Variants in RBFOX1 observed in about 807,000 individuals in gnomAD.
The protein encoded by RBFOX1 is RNA binding protein fox-1 homolog 1.
In RBFOX1, 8 loss-of-function variants were observed where a neutral mutation model predicts 57.7. The ratio of observed to expected loss-of-function variants is 0.14; its 90% CI spans 0.08 to 0.25. The LOEUF is 0.25. Among genes scored for constraint, RBFOX1 ranks in the 10% least tolerant of loss-of-function variants. The pLI is 1.00. For synonymous variants in RBFOX1, 326 were observed against 222.4 expected (o/e 1.47, Z -4.15); for missense variants, 611 against 548.5 (o/e 1.11, Z -1.14).
Position 6,636,296 on chromosome 16 carries a change from G to A in RBFOX1, c.-63-18307G>A, listed in dbSNP as rs112020841. Reference sequence around the variant, plus strand: ...TGCCATTCTCCTGCCTCAGCCTCCCGAGTAGCTGGGACTAGAGGCGCCTGC... The same window carrying A: ...TGCCATTCTCCTGCCTCAGCCTCCCAAGTAGCTGGGACTAGAGGCGCCTGC... On this transcript the variant is annotated intron_variant, in intron 2 of 15. Transcript: ENST00000550418. Among the ~76,000 whole-genome samples the A allele has an allele frequency of 2.2e-4, 33 of 152,104 alleles. 1 individual carries two copies. The highest frequency in any genetic ancestry group is 6.5e-4 in the Admixed American group (10 of 15,270).
chr16:6,462,643 A>C (rs964186088), intron 2 of RBFOX1, among the ~76,000 whole-genome samples: 2 of 152,166 alleles, frequency 1.3e-5, no homozygotes, highest in Non-Finnish European at 2.9e-5. Flanking sequence ...AAATGAAATA[A>C]TTAGTAAAAG....
At chr16:6,631,281 G>T (rs1028628571) in intron 2 of RBFOX1, among the ~76,000 whole-genome samples, 1 of 152,062 alleles carries the variant, frequency 6.6e-6, no homozygotes, top group Non-Finnish European at 1.5e-5. Flanking sequence ...AATGGGGGGT[G>T]AGTGTGTGTG....
chr16:7,573,834 C>G (rs78974238), intron 5 of RBFOX1, among the ~76,000 whole-genome samples: 1 of 145,134 alleles, frequency 6.9e-6, no homozygotes, highest in Non-Finnish European at 1.5e-5. Flanking sequence ...GACTCTGTCT[C>G]AAAAAAAAAA....
intron 3 of RBFOX1, among the ~76,000 whole-genome samples, chr16:5,623,227 A>G (rs2048251627): frequency 6.6e-6 from 1 of 152,122 alleles, no homozygotes; most frequent in African/African-American, 2.4e-5. Flanking sequence ...GGTGTGGTAC[A>G]TCTTATGGGG....
At chr16:6,581,469 G>T (rs985453331) in intron 2 of RBFOX1, among the ~76,000 whole-genome samples, 1 of 152,194 alleles carries the variant, frequency 6.6e-6, no homozygotes, top group Admixed American at 6.5e-5. Context: ...TGGGAAACAA[G>T]CCTTGCTCTT....
intron 1 of RBFOX1, among the ~76,000 whole-genome samples, chr16:5,311,816 G>C (rs1318006235): frequency 6.6e-6 from 1 of 152,148 alleles, no homozygotes; most frequent in African/African-American, 2.4e-5. Flanking sequence ...GCCTCTTGTT[G>C]CTGTCAATCT....
At chr16:7,070,514 G>C (rs1205265722) in intron 4 of RBFOX1, among the ~76,000 whole-genome samples, 1 of 152,124 alleles carries the variant, frequency 6.6e-6, no homozygotes, top group East Asian at 1.9e-4. Flanking sequence ...TATGTGTCTT[G>C]ACATCTTTAC....
chr16:6,003,289 A>C (rs2060633510), intron 4 of RBFOX1, among the ~76,000 whole-genome samples: 1 of 151,586 alleles, frequency 6.6e-6, no homozygotes, highest in Admixed American at 6.6e-5. Flanking sequence ...TCCAAAAAAA[A>C]AAAAAAAAAG....
intron 4 of RBFOX1, among the ~76,000 whole-genome samples, chr16:7,312,986 G>A (rs979668511): frequency 2.0e-5 from 3 of 152,058 alleles, no homozygotes; most frequent in African/African-American, 7.2e-5. Flanking sequence ...GATGGACCGG[G>A]GAAGCTGACA....
chr16:5,698,782 T>G (rs2050929350), intron 3 of RBFOX1, among the ~76,000 whole-genome samples: 1 of 152,222 alleles, frequency 6.6e-6, no homozygotes, highest in Non-Finnish European at 1.5e-5. Context: ...AGGAATGAGG[T>G]ACTGAAATAG....
At chr16:6,698,670 A>G (rs755785664) in intron 3 of RBFOX1, among the ~76,000 whole-genome samples, 24 of 152,160 alleles carry the variant, frequency 1.6e-4, no homozygotes, top group Non-Finnish European at 3.1e-4. Flanking sequence ...TTAGGTTAGA[A>G]TCACATTATT....
intron 2 of RBFOX1, among the ~76,000 whole-genome samples, chr16:6,527,241 C>G (rs1471539649): frequency 2.0e-5 from 3 of 152,038 alleles, no homozygotes; most frequent in Non-Finnish European, 4.4e-5. Context: ...GAAGTAAAGA[C>G]GCGTTACCAG....
intron 4 of RBFOX1, among the ~76,000 whole-genome samples, chr16:7,312,225 C>T (rs1022224795): frequency 6.6e-6 from 1 of 152,138 alleles, no homozygotes; most frequent in Admixed American, 6.5e-5. Flanking sequence ...ACTAAAAATA[C>T]AAAAATTATC....
chr16:6,726,498 C>G (rs1224509374), intron 3 of RBFOX1, among the ~76,000 whole-genome samples: 1 of 151,414 alleles, frequency 6.6e-6, no homozygotes, highest in African/African-American at 2.4e-5. Context: ...GGAACTATCA[C>G]TAGATAAACT....
intron 3 of RBFOX1, among the ~76,000 whole-genome samples, chr16:6,672,241 C>T (rs1366655892): frequency 1.3e-5 from 2 of 152,020 alleles, no homozygotes; most frequent in African/African-American, 4.8e-5. Context: ...TATAATCCAC[C>T]ACCATAACGC....
chr16:7,159,811 C>G (rs1469952322), intron 4 of RBFOX1, among the ~76,000 whole-genome samples: 1 of 152,158 alleles, frequency 6.6e-6, no homozygotes, highest in Admixed American at 6.5e-5. Flanking sequence ...TACATCCCAC[C>G]TGTACCAACA....
intron 2 of RBFOX1, among the ~76,000 whole-genome samples, chr16:6,569,329 T>A (rs941019258): frequency 3.3e-5 from 5 of 152,222 alleles, no homozygotes; most frequent in Non-Finnish European, 5.9e-5. Flanking sequence ...AGGATCCTAG[T>A]AGTATCTACC....
At chr16:7,664,743 G>C (rs932406545) in intron 12 of RBFOX1, 186 bp from the exon 13 acceptor site, 1 of 996,696 alleles carries the variant, frequency 1.0e-6, no homozygotes, top group Non-Finnish European at 1.5e-6. Context: ...ACCAAAGCCC[G>C]GCCTAATTTT....
At chr16:7,584,949 C>T (rs1437228399) in intron 6 of RBFOX1, among the ~76,000 whole-genome samples, 2 of 152,180 alleles carry the variant, frequency 1.3e-5, no homozygotes, top group Non-Finnish European at 2.9e-5. Context: ...TAGGGAATGA[C>T]ACCTGCCAAG....
Sources: allele counts gnomAD v4.1 joint callset (sites outside exome capture counted in the v4.1 genomes callset), GRCh38; gene constraint gnomAD v4.1.1; transcripts MANE v1.5; gene names NCBI Gene and HGNC (gene_info 2026-07-23, HGNC 2026-07-21).